The following SLC9A8 variants were observed in gnomAD, a reference collection of about 807,000 sequenced individuals.
SLC9A8 encodes the protein solute carrier family 9 member A8, also known as sodium/hydrogen exchanger 8.
SLC9A8 carries 48 observed loss-of-function variants against 66.6 expected under a neutral mutation model. That is an observed-to-expected ratio of 0.72 (90% CI 0.57 to 0.92). SLC9A8 has a LOEUF of 0.92. Ranked by LOEUF, SLC9A8 falls within the 40% of genes least tolerant of loss-of-function variation. The pLI is 0.00. For synonymous variants in SLC9A8, 274 were observed against 282.6 expected (o/e 0.97, Z 0.31); for missense variants, 599 against 747.3 (o/e 0.80, Z 2.31).
chr20:49,885,599 C>G (rs1484355530), intron 14 of SLC9A8, among the ~76,000 whole-genome samples: 5 of 152,268 alleles, frequency 3.3e-5, no homozygotes. Context: ...ATCCTGTGAA[C>G]ACGCTTGGCG....
intron 4 of SLC9A8, among the ~76,000 whole-genome samples, chr20:49,843,761 G>A (rs1388133537): frequency 3.3e-5 from 5 of 152,152 alleles, no homozygotes; most frequent in Admixed American, 6.5e-5. Context: ...TGGAAGCATG[G>A]TGCTATGGTT....
At chr20:49,881,163 G>A in intron 13 of SLC9A8, 128 bp downstream of exon 13, 1 of 655,544 alleles carries the variant, frequency 1.5e-6, no homozygotes, top group Non-Finnish European at 2.8e-6. Context: ...CCGTTTAATG[G>A]CACCCACTGC....
chr20:49,869,483 A>T (rs2089115524), intron 10 of SLC9A8, among the ~76,000 whole-genome samples: 3 of 151,152 alleles, frequency 2.0e-5, no homozygotes, highest in Admixed American at 1.3e-4. Flanking sequence ...CGGCCTCCCA[A>T]AGTGCTGGGA....
chr20:49,813,528 G>A lies in SLC9A8; in HGVS notation c.26+580G>A, dbSNP rs74273888. ...TGGTTTCAGATCGTGATTAATTAAC[G>A]TTATTTGTGCCTAGTGTTCCATTAT... On this transcript the variant is annotated intron_variant, in intron 1 of 15. Transcript: ENST00000361573. 3.3e-5 allele frequency among the ~76,000 whole-genome samples: 5 copies of A among 152,246 alleles called. No homozygotes were observed. The South Asian group carries it at 1.0e-3, about 32-fold the overall frequency.
chr20:49,888,053 G>A lies in SLC9A8; in HGVS notation c.*117G>A. 1 of 792,998 alleles carries A rather than the reference G, an allele frequency of 1.3e-6. No individual in the cohort carries two copies. The highest frequency in any genetic ancestry group is 2.1e-6 in the Non-Finnish European group (1 of 477,240). 49.1% of individuals were successfully genotyped at this position (792,998 alleles called of 1,614,324 possible). A position where few individuals can be genotyped will look rare whatever the true frequency, so the allele number is the denominator to read the frequency against. ...CCAGCAGCCCCTTCAAGACATAAGAGGGCGGGGCGAGGTACTGGCTGCAGA... is the reference window on the plus strand; with the variant it reads ...CCAGCAGCCCCTTCAAGACATAAGAAGGCGGGGCGAGGTACTGGCTGCAGA... On this transcript the variant is annotated 3_prime_UTR_variant, in exon 16 of 16. Transcript: ENST00000361573.
At chr20:49,843,727 G>A (rs927143025) in intron 4 of SLC9A8, among the ~76,000 whole-genome samples, 1 of 152,100 alleles carries the variant, frequency 6.6e-6, no homozygotes, top group African/African-American at 2.4e-5. Flanking sequence ...AACACCTTTC[G>A]TAGTGGCACT....
rs200718054 is a variant in SLC9A8, at chr20:49,821,764, A to AT, written c.209-1289dup. Among the ~76,000 whole-genome samples, 318 of 151,550 alleles carry AT rather than the reference A, an allele frequency of 2.1e-3. 1 individual carries two copies. The highest frequency in any genetic ancestry group is 7.3e-3 in the African/African-American group (301 of 41,294). On this transcript the variant is annotated intron_variant, in intron 2 of 15. Transcript: ENST00000361573. ...CAGGAATAATTTTTGTGAAGTACCCATTTTTTTTGCCGGGGGGTTGGTGGG... is the reference window on the plus strand; with the variant it reads ...CAGGAATAATTTTTGTGAAGTACCCATTTTTTTTTGCCGGGGGGTTGGTGGG...
chr20:49,852,179 C>T (rs1012481881), intron 7 of SLC9A8, among the ~76,000 whole-genome samples: 4 of 152,196 alleles, frequency 2.6e-5, no homozygotes, highest in African/African-American at 9.7e-5. Flanking sequence ...AGCTGTGAGT[C>T]TAGACATGGG....
chr20:49,878,424 T>C (rs2089509644), intron 12 of SLC9A8, among the ~76,000 whole-genome samples: 1 of 152,194 alleles, frequency 6.6e-6, no homozygotes, highest in African/African-American at 2.4e-5. Flanking sequence ...AAAAATATTA[T>C]GCACAGAAAA....
In SLC9A8 at chr20:49,886,627, G is replaced by T; in HGVS notation, c.1492-125G>T. On this transcript the variant is annotated intron_variant, in intron 14 of 15. Transcript: ENST00000361573. The surrounding 1 kb of genome is among the most constrained non-coding windows in gnomAD (Gnocchi z 4.8). ...GAGGCCGTCTGCTGCCCGTCACCCT[G>T]CATTGATGGTCAAGTGGAGTTAGGG... 9.5e-6 allele frequency: 11 copies of T among 1,155,042 alleles called. No homozygotes were observed. The South Asian group carries it at 1.7e-4, about 18-fold the overall frequency. 71.5% of individuals were successfully genotyped at this position (1,155,042 alleles called of 1,614,324 possible). A position where few individuals can be genotyped will look rare whatever the true frequency, so the allele number is the denominator to read the frequency against.
chr20:49,831,336 G>A (rs2087177457), intron 3 of SLC9A8, among the ~76,000 whole-genome samples: 4 of 152,026 alleles, frequency 2.6e-5, no homozygotes, highest in Admixed American at 2.6e-4. Context: ...CTCCACACGA[G>A]GAGGTGGCTG....
At chr20:49,815,229 G>T in intron 2 of SLC9A8, 40 bp downstream of exon 2, 1 of 1,451,562 alleles carries the variant, frequency 6.9e-7, no homozygotes, top group Non-Finnish European at 9.2e-7. Flanking sequence ...CTGCCATCCC[G>T]TGTCTGTGTG....
rs146920669 is a variant in SLC9A8, at chr20:49,822,682, G to A, written c.209-379G>A. Among the ~76,000 whole-genome samples, 145 of 152,254 alleles carry A rather than the reference G, an allele frequency of 9.5e-4. 1 individual carries two copies. Among genetic ancestry groups the A allele is most frequent in the Middle Eastern group, 6.8e-3 (2 of 294 alleles). ...TGTGTCTCTAGTCCCAGCTACTTGG[G>A]AGGCTGAGATGGGAGAATCACCTGA... is the stretch of plus-strand genomic sequence containing the variant. On this transcript the variant is annotated intron_variant, in intron 2 of 15. Transcript: ENST00000361573.
At chr20:49,848,872 A>G (rs1600717134) in intron 5 of SLC9A8, among the ~76,000 whole-genome samples, 1 of 152,220 alleles carries the variant, frequency 6.6e-6, no homozygotes, top group African/African-American at 2.4e-5. Flanking sequence ...GGCATCTTCC[A>G]TCTGACGGGC....
intron 3 of SLC9A8, among the ~76,000 whole-genome samples, chr20:49,839,211 C>G (rs1341027760): frequency 1.3e-5 from 2 of 152,194 alleles, no homozygotes; most frequent in Non-Finnish European, 2.9e-5. Flanking sequence ...CTTGTAAACT[C>G]TGCATTTCAC....
At chr20:49,875,533 T>C (rs2089390309) in intron 11 of SLC9A8, among the ~76,000 whole-genome samples, 1 of 152,192 alleles carries the variant, frequency 6.6e-6, no homozygotes, top group Non-Finnish European at 1.5e-5. Context: ...TGGGCTGGGA[T>C]AAACCACGAT....
intron 10 of SLC9A8, 77 bp from the exon 11 acceptor site, chr20:49,874,628 A>C (rs1332025521): frequency 1.1e-6 from 1 of 916,112 alleles, no homozygotes; most frequent in African/African-American, 1.6e-5. Context: ...TCTAGGCCCC[A>C]GGGCCTTGCA....
At chr20:49,849,374 A>G (rs2088147813) in intron 5 of SLC9A8, among the ~76,000 whole-genome samples, 1 of 152,108 alleles carries the variant, frequency 6.6e-6, no homozygotes, top group South Asian at 2.1e-4. Context: ...AGTGTTTCAG[A>G]TGAAAGATGG....
chr20:49,834,505 C>A (rs1180645329), intron 3 of SLC9A8, among the ~76,000 whole-genome samples: 5 of 139,468 alleles, frequency 3.6e-5, no homozygotes, highest in East Asian at 2.1e-4. Context: ...CACACACACA[C>A]TATATATATG....
Sources: gnomAD v4.1 joint callset for allele counts (sites outside exome capture counted in the v4.1 genomes callset) on GRCh38, gnomAD v4.1.1 for gene constraint, Gnocchi (gnomAD v3.1) non-coding constraint, MANE v1.5 for transcripts, NCBI Gene and HGNC (gene_info 2026-07-23, HGNC 2026-07-21) for gene names.